Variants in OR4D5 observed in about 807,000 individuals in gnomAD.
The protein encoded by OR4D5 is olfactory receptor 4D5.
For missense variants in OR4D5, 390 were observed against 387.6 expected (o/e 1.01, Z -0.05); for synonymous variants, 165 against 154.0 (o/e 1.07, Z -0.53).
At position 123,939,692 on chromosome 11, in the gene OR4D5, G is replaced by C. The variant is rs1319614471; in HGVS notation, c.76G>C (p.Val26Leu). ...CTCTCAGGTTTGGGAGCTTCGGTTT[G>C]TTTTCTTCACTGTTTTCTCTGCTGT... ...GLSQVWELRF[V>L]FFTVFSAVYF... The change falls in exon 1 of 1, where the codon GTT (valine) becomes CTT (leucine). Residue 26 changes from valine to leucine, a missense_variant. Val to Leu is a conservative substitution (Grantham distance 32). Transcript: ENST00000307033. The C allele has an allele frequency of 6.2e-7, 1 of 1,612,540 alleles. No individual in the cohort carries two copies. Among genetic ancestry groups the C allele is most frequent in the African/African-American group, 1.3e-5 (1 of 74,846 alleles).
At position 123,940,092 on chromosome 11, in the gene OR4D5, A is replaced by C. The variant is rs1565575736; in HGVS notation, c.476A>C (p.Gln159Pro). ...GGGGGCTTCATCCACTCCATAGTAC[A>C]GATTGCATTGACTATCCAGCTGCCA... is the stretch of plus-strand genomic sequence containing the variant. Reference protein sequence around the residue: ...WVGGFIHSIVQIALTIQLPFC... With the variant: ...WVGGFIHSIVPIALTIQLPFC... Residue 159 changes from glutamine (Q) to proline (P), a missense_variant, in exon 1 of 1, where the codon CAG (glutamine) becomes CCG (proline). Gln to Pro is a moderately conservative substitution (Grantham distance 76). Transcript: ENST00000307033. 6.2e-7 allele frequency: 1 copy of C among 1,614,184 alleles called. No individual in the cohort carries two copies. The highest frequency in any genetic ancestry group is 2.2e-5 in the East Asian group (1 of 44,870).
At position 123,940,205 on chromosome 11, in the gene OR4D5, CT is replaced by C; in HGVS notation, c.593del (p.Leu198Ter). 6.2e-7 allele frequency: 1 copy of C among 1,614,154 alleles called. No individual in the cohort carries two copies. Among genetic ancestry groups the C allele is most frequent in the Non-Finnish European group, 8.5e-7 (1 of 1,180,002 alleles). ...LACTDTFVLE[L>X]LMVSNNGLVT... The stretch of plus-strand genomic sequence containing the variant: ...CTGCACAGATACCTTTGTCTTAGAG[CT>C]TTTAATGGTGTCTAACAATGGCCTG... On this transcript the variant is annotated frameshift_variant, in exon 1 of 1. Transcript: ENST00000307033. LOFTEE classifies it low-confidence loss of function (END_TRUNC).
At position 123,939,866 on chromosome 11, in the gene OR4D5, G is replaced by T; in HGVS notation, c.250G>T (p.Asp84Tyr). 1 of 1,609,988 alleles carries T rather than the reference G, an allele frequency of 6.2e-7. No individual in the cohort carries two copies. Among genetic ancestry groups the T allele is most frequent in the Non-Finnish European group, 8.5e-7 (1 of 1,177,996 alleles). The change falls in exon 1 of 1, where the codon GAC becomes TAC. Residue 84 changes from aspartate to tyrosine, a missense_variant. Physicochemically the swap from Asp to Tyr is radical, Grantham distance 160. Transcript: ENST00000307033. ...CATCACAGCACCTAGGATGCTGGTT[G>T]ACTTGCTCTCAGGCAACCCTACCAT... The part of the protein sequence containing the change: ...SSITAPRMLV[D>Y]LLSGNPTISF...
In OR4D5 at chr11:123,939,641, G is replaced by A; in HGVS notation, c.25G>A (p.Val9Met). 1 of 1,580,346 alleles carries A rather than the reference G, an allele frequency of 6.3e-7. No homozygotes were observed. Among genetic ancestry groups the A allele is most frequent in the South Asian group, 1.2e-5 (1 of 83,710 alleles). Residue 9 changes from valine to methionine, a missense_variant, in exon 1 of 1, where the codon GTG becomes ATG. Coordinates refer to ENST00000307033, the MANE Select transcript of OR4D5 (RefSeq NM_001001965.1). MNPANHSQ[V>M]AGFVLLGLSQ... ...GATGAATCCAGCAAATCATTCCCAG[G>A]TGGCAGGATTTGTTCTACTGGGGCT...
rs142154348 is a variant in OR4D5, at chr11:123,940,312, C to G, written c.696C>G (p.Gly232=). 3.1e-6 allele frequency: 5 copies of G among 1,614,054 alleles called. No individual in the cohort carries two copies. Among genetic ancestry groups the G allele is most frequent in the Admixed American group, 3.3e-5 (2 of 60,014 alleles). ...LVMLRSHSRE[G]RSKALSTCAS... is the part of the protein sequence containing the mutation. Reference sequence around the variant, plus strand: ...TGCTCCGAAGCCACTCACGGGAGGGCCGCAGCAAGGCCCTGTCTACCTGTG... The same window carrying G: ...TGCTCCGAAGCCACTCACGGGAGGGGCGCAGCAAGGCCCTGTCTACCTGTG... The change falls in exon 1 of 1, where the codon GGC becomes GGG. Residue 232 remains glycine, a synonymous_variant. Transcript: ENST00000307033.
chr11:123,939,733 A>G lies in OR4D5; in HGVS notation c.117A>G (p.Val39=), dbSNP rs771687108. The G allele has an allele frequency of 1.2e-6, 2 of 1,613,964 alleles. No homozygotes were observed. Among genetic ancestry groups the G allele is most frequent in the South Asian group, 1.1e-5 (1 of 91,076 alleles). ...TVFSAVYFMT[V]VGNLLIVVIV... ...TCTCTGCTGTGTATTTTATGACTGT[A>G]GTGGGAAACCTTCTTATTGTGGTCA... Residue 39 remains valine (V), a synonymous_variant, in exon 1 of 1, where the codon GTA becomes GTG. Transcript: ENST00000307033.
At position 123,940,141 on chromosome 11, in the gene OR4D5, C is replaced by A; in HGVS notation, c.525C>A (p.Asp175Glu). Residue 175 changes from aspartate to glutamate, a missense_variant, in exon 1 of 1, where the codon GAC (aspartate) becomes GAA (glutamate). Coordinates refer to ENST00000307033, the MANE Select transcript of OR4D5 (RefSeq NM_001001965.1). ...CATTCTGTGGGCCTGACAAGCTGGA[C>A]AACTTTTATTGTGATGTGCCTCAGC... Reference protein sequence around the residue: ...QLPFCGPDKLDNFYCDVPQLI... With the variant: ...QLPFCGPDKLENFYCDVPQLI... 1 of 1,614,188 alleles carries A rather than the reference C, an allele frequency of 6.2e-7. No individual in the cohort carries two copies. Among genetic ancestry groups the A allele is most frequent in the Non-Finnish European group, 8.5e-7 (1 of 1,180,036 alleles).
rs2137512890 is a variant in OR4D5 at position 123,940,153 on chromosome 11, T to G, written c.537T>G (p.Cys179Trp). ...CTGACAAGCTGGACAACTTTTATTG[T>G]GATGTGCCTCAGCTGATCAAATTGG... ...CGPDKLDNFY[C>W]DVPQLIKLAC... Residue 179 changes from cysteine (C) to tryptophan (W), a missense_variant, in exon 1 of 1, where the codon TGT (cysteine) becomes TGG (tryptophan). Transcript: ENST00000307033. 6.2e-7 allele frequency: 1 copy of G among 1,614,226 alleles called. No homozygotes were observed. The highest frequency in any genetic ancestry group is 2.2e-5 in the East Asian group (1 of 44,880).
chr11:123,940,520 T>C lies in OR4D5; in HGVS notation c.904T>C (p.Trp302Arg), dbSNP rs759281178. 40 of 1,613,562 alleles carry C rather than the reference T, an allele frequency of 2.5e-5. No homozygotes were observed. The Admixed American group carries it at 6.0e-4, about 24-fold the overall frequency. The change falls in exon 1 of 1, where the codon TGG (tryptophan) becomes CGG (arginine). Residue 302 changes from tryptophan (W) to arginine (R), a missense_variant. Transcript: ENST00000307033. ...AGTGATCATGGCCATGAAGAAGCTGTGGAGGAGGAAAAAGGACCCTATTGG... is the reference window on the plus strand; with the variant it reads ...AGTGATCATGGCCATGAAGAAGCTGCGGAGGAGGAAAAAGGACCCTATTGG... ...KEVIMAMKKL[W>R]RRKKDPIGPL...
At position 123,939,742 on chromosome 11, in the gene OR4D5, C is replaced by A. The variant is rs1555147727; in HGVS notation, c.126C>A (p.Asn42Lys). The change falls in exon 1 of 1, where the codon AAC becomes AAA. Residue 42 changes from asparagine to lysine, a missense_variant. Coordinates refer to ENST00000307033, the MANE Select transcript of OR4D5 (RefSeq NM_001001965.1). ...SAVYFMTVVG[N>K]LLIVVIVTSD... ...TGTATTTTATGACTGTAGTGGGAAA[C>A]CTTCTTATTGTGGTCATAGTGACCT... is the stretch of plus-strand genomic sequence containing the variant. 1.3e-5 allele frequency: 21 copies of A among 1,613,994 alleles called. No homozygotes were observed. The highest frequency in any genetic ancestry group is 1.6e-5 in the Non-Finnish European group (19 of 1,179,948).
Position 123,940,402 on chromosome 11 carries a change from T to G in OR4D5, c.786T>G (p.Phe262Leu). Residue 262 changes from phenylalanine to leucine, a missense_variant, in exon 1 of 1, where the codon TTT becomes TTG. By Grantham distance (22) the Phe-to-Leu change is conservative. Coordinates refer to ENST00000307033, the MANE Select transcript of OR4D5 (RefSeq NM_001001965.1). ...GCATCTACGTCTATACAAGGCCTTT[T>G]CGGACATTCCCCATGGACAAGGCCG... ...VPCIYVYTRP[F>L]RTFPMDKAVS... is the part of the protein sequence containing the mutation. 6.2e-7 allele frequency: 1 copy of G among 1,614,178 alleles called. No individual in the cohort carries two copies. Among genetic ancestry groups the G allele is most frequent in the Non-Finnish European group, 8.5e-7 (1 of 1,180,026 alleles).
rs564132538 is a variant in OR4D5, at chr11:123,940,067, G to A, written c.451G>A (p.Gly151Arg). ...ACTCCTTATGGCAGCCTCCTGGGTG[G>A]GGGGCTTCATCCACTCCATAGTACA... The part of the protein sequence containing the change: ...CALLMAASWV[G>R]GFIHSIVQIA... The change falls in exon 1 of 1, where the codon GGG (glycine) becomes AGG (arginine). Residue 151 changes from glycine (G) to arginine (R), a missense_variant. Physicochemically the swap from Gly to Arg is moderately radical, Grantham distance 125. Coordinates refer to ENST00000307033, the MANE Select transcript of OR4D5 (RefSeq NM_001001965.1). 2.4e-5 allele frequency: 38 copies of A among 1,614,100 alleles called. No homozygotes were observed. The South Asian group carries it at 4.1e-4, about 17-fold the overall frequency.
At position 123,939,857 on chromosome 11, in the gene OR4D5, A is replaced by ATGC; in HGVS notation, c.244_246dup (p.Leu82dup). The ATGC allele has an allele frequency of 1.2e-6, 2 of 1,609,266 alleles. No homozygotes were observed. Among genetic ancestry groups the ATGC allele is most frequent in the Non-Finnish European group, 1.7e-6 (2 of 1,177,618 alleles). ...CTACTCTTCCATCACAGCACCTAGG[A>ATGC]TGCTGGTTGACTTGCTCTCAGGCAA... On this transcript the variant is annotated inframe_insertion, in exon 1 of 1. Transcript: ENST00000307033.
rs773872592 is a variant in OR4D5, at chr11:123,940,389, A to G, written c.773A>G (p.Tyr258Cys). The change falls in exon 1 of 1, where the codon TAT (tyrosine) becomes TGT (cysteine). Residue 258 changes from tyrosine (Y) to cysteine (C), a missense_variant. Tyr to Cys is a radical substitution (Grantham distance 194). Transcript: ENST00000307033. The part of the protein sequence containing the change: ...TLIFVPCIYV[Y>C]TRPFRTFPMD... ...ATCTTTGTGCCTTGCATCTACGTCT[A>G]TACAAGGCCTTTTCGGACATTCCCC... is the stretch of plus-strand genomic sequence containing the variant. 7.4e-6 allele frequency: 12 copies of G among 1,614,026 alleles called. No individual in the cohort carries two copies. The highest frequency in any genetic ancestry group is 1.0e-5 in the Non-Finnish European group (12 of 1,180,014).
In OR4D5 at chr11:123,940,529, A is replaced by C; in HGVS notation, c.913A>C (p.Lys305Gln). 1 of 1,612,756 alleles carries C rather than the reference A, an allele frequency of 6.2e-7. No individual in the cohort carries two copies. Among genetic ancestry groups the C allele is most frequent in the Non-Finnish European group, 8.5e-7 (1 of 1,179,060 alleles). The change falls in exon 1 of 1, where the codon AAA (lysine) becomes CAA (glutamine). Residue 305 changes from lysine to glutamine, a missense_variant. Transcript: ENST00000307033. ...IMAMKKLWRRKKDPIGPLEHR... is the reference protein window; with the variant it reads ...IMAMKKLWRRQKDPIGPLEHR... ...GGCCATGAAGAAGCTGTGGAGGAGG[A>C]AAAAGGACCCTATTGGTCCCCTGGA...
In OR4D5 at chr11:123,940,106, A is replaced by C; in HGVS notation, c.490A>C (p.Ile164Leu). 6.2e-7 allele frequency: 1 copy of C among 1,614,202 alleles called. No homozygotes were observed. The highest frequency in any genetic ancestry group is 2.2e-5 in the East Asian group (1 of 44,876). The change falls in exon 1 of 1, where the codon ATC (isoleucine) becomes CTC (leucine). Residue 164 changes from isoleucine (I) to leucine (L), a missense_variant. Coordinates refer to ENST00000307033, the MANE Select transcript of OR4D5 (RefSeq NM_001001965.1). ...CTCCATAGTACAGATTGCATTGACT[A>C]TCCAGCTGCCATTCTGTGGGCCTGA... ...IHSIVQIALT[I>L]QLPFCGPDKL...
Position 123,939,727 on chromosome 11 carries a change from G to T in OR4D5, c.111G>T (p.Met37Ile), listed in dbSNP as rs758980685. 1 of 1,614,034 alleles carries T rather than the reference G, an allele frequency of 6.2e-7. No individual in the cohort carries two copies. Among genetic ancestry groups the T allele is most frequent in the Non-Finnish European group, 8.5e-7 (1 of 1,179,938 alleles). ...FFTVFSAVYFMTVVGNLLIVV... is the reference protein window; with the variant it reads ...FFTVFSAVYFITVVGNLLIVV... ...CTGTTTTCTCTGCTGTGTATTTTAT[G>T]ACTGTAGTGGGAAACCTTCTTATTG... Residue 37 changes from methionine to isoleucine, a missense_variant, in exon 1 of 1, where the codon ATG becomes ATT. Physicochemically the swap from Met to Ile is conservative, Grantham distance 10. Coordinates refer to ENST00000307033, the MANE Select transcript of OR4D5 (RefSeq NM_001001965.1).
Position 123,939,919 on chromosome 11 carries a change from C to G in OR4D5, c.303C>G (p.Leu101=), listed in dbSNP as rs747870357. 1 of 1,613,630 alleles carries G rather than the reference C, an allele frequency of 6.2e-7. No individual in the cohort carries two copies. Among genetic ancestry groups the G allele is most frequent in the East Asian group, 2.2e-5 (1 of 44,880 alleles). ...TISFGGCLTQ[L]FFFHFIGGIK... Reference sequence around the variant, plus strand: ...CCTTTGGTGGATGCCTGACTCAACTCTTCTTCTTCCACTTCATTGGAGGCA... The same window carrying G: ...CCTTTGGTGGATGCCTGACTCAACTGTTCTTCTTCCACTTCATTGGAGGCA... The change falls in exon 1 of 1, where the codon CTC becomes CTG. Residue 101 remains leucine, a synonymous_variant. Transcript: ENST00000307033.
In OR4D5 at chr11:123,940,536, A is replaced by C; in HGVS notation, c.920A>C (p.Asp307Ala). The C allele has an allele frequency of 6.2e-7, 1 of 1,612,878 alleles. No homozygotes were observed. Among genetic ancestry groups the C allele is most frequent in the Non-Finnish European group, 8.5e-7 (1 of 1,179,192 alleles). The change falls in exon 1 of 1, where the codon GAC becomes GCC. Residue 307 changes from aspartate to alanine, a missense_variant. Transcript: ENST00000307033. Reference protein sequence around the residue: ...AMKKLWRRKKDPIGPLEHRPL... With the variant: ...AMKKLWRRKKAPIGPLEHRPL... ...AAGAAGCTGTGGAGGAGGAAAAAGG[A>C]CCCTATTGGTCCCCTGGAGCACAGA...
Sources: allele counts gnomAD v4.1 joint callset, GRCh38; gene constraint gnomAD v4.1.1; transcripts MANE v1.5; gene names NCBI Gene and HGNC (gene_info 2026-07-23, HGNC 2026-07-21).